RPAP3: variants seen among roughly 807,000 people sequenced by gnomAD.
RPAP3 encodes RNA polymerase II associated protein 3.
RPAP3 carries 58 observed loss-of-function variants against 88.8 expected under a neutral mutation model. The observed-to-expected ratio is 0.65, with a 90% CI of 0.53 to 0.81. The LOEUF is 0.81. Ranked by LOEUF, RPAP3 falls within the 40% of genes least tolerant of loss-of-function variation. The pLI, the probability that RPAP3 is intolerant of heterozygous loss-of-function variation, is 0.00. For missense variants in RPAP3, 751 were observed against 764.3 expected, an observed-to-expected ratio of 0.98 and a Z score of 0.20; for synonymous variants, 255 against 259.9, an observed-to-expected ratio of 0.98 and a Z score of 0.18.
chr12:47,673,305 T>A (rs911623820), intron 12 of RPAP3, among the ~76,000 whole-genome samples: 1 of 151,790 alleles, frequency 6.6e-6, no homozygotes, highest in Non-Finnish European at 1.5e-5. Flanking sequence ...TAGCCAGGCA[T>A]GATGGCAGGT....
chr12:47,697,523 G>A, intron 4 of RPAP3, 74 bp downstream of exon 4: 3 of 1,403,478 alleles, frequency 2.1e-6, no homozygotes, highest in Admixed American at 2.3e-5. Context: ...CTATGCTCAA[G>A]AAACTTTACG....
intron 3 of RPAP3, among the ~76,000 whole-genome samples, chr12:47,700,638 T>C (rs1042646074): frequency 1.3e-5 from 2 of 152,196 alleles, no homozygotes; most frequent in Non-Finnish European, 2.9e-5. Context: ...CAGTGGCTGC[T>C]TGAAACACTG....
intron 2 of RPAP3, among the ~76,000 whole-genome samples, chr12:47,702,472 T>G (rs951610284): frequency 1.3e-4 from 19 of 151,946 alleles, no homozygotes; most frequent in Admixed American, 1.1e-3. Flanking sequence ...GAGAACTGCT[T>G]GAACCCAGGA....
rs766505474 is a variant in RPAP3 at position 47,668,950 on chromosome 12, T to C, written c.1679A>G (p.Lys560Arg). 1.5e-5 allele frequency: 24 copies of C among 1,613,916 alleles called. No individual in the cohort carries two copies. Among genetic ancestry groups the C allele is most frequent in the Middle Eastern group, 3.3e-4 (2 of 6,082 alleles). ...CTGATACAACATATCTGGAGAACTT[T>C]TCAATTGTCTGAAATCAGATTCGAG... ...FQLESDFRQL[K>R]SSPDMLYQYL... The change falls in exon 14 of 17, where the codon AAA becomes AGA. Residue 560 changes from lysine to arginine, a missense_variant. Transcript: ENST00000005386.
At chr12:47,705,032 T>C (rs1358725047) in intron 1 of RPAP3, among the ~76,000 whole-genome samples, 1 of 151,996 alleles carries the variant, frequency 6.6e-6, no homozygotes, top group African/African-American at 2.4e-5. Flanking sequence ...AATGAGATTA[T>C]ATGGAGATTA....
chr12:47,686,720 A>G (rs1216275468), intron 9 of RPAP3, 60 bp downstream of exon 9: 5 of 1,317,468 alleles, frequency 3.8e-6, no homozygotes, highest in Non-Finnish European at 5.0e-6. Context: ...TATGGTAAAA[A>G]TTTACCAATT....
chr12:47,702,955 G>A lies in RPAP3; in HGVS notation c.-6-109C>T, dbSNP rs780061248. On this transcript the variant is annotated intron_variant, in intron 1 of 16. Coordinates refer to ENST00000005386, the MANE Select transcript of RPAP3 (RefSeq NM_024604.3). Reference sequence around the variant, plus strand: ...CACTTCATAAGTGGCCAAGATACATGGACAGAAGACAGCCAACTGATGCTG... The same window carrying A: ...CACTTCATAAGTGGCCAAGATACATAGACAGAAGACAGCCAACTGATGCTG... 400 of 661,998 alleles carry A rather than the reference G, an allele frequency of 6.0e-4. 1 individual carries two copies. Among genetic ancestry groups the A allele is most frequent in the Non-Finnish European group, 7.8e-4 (337 of 431,524 alleles). 41.0% of individuals were successfully genotyped at this position (661,998 alleles called of 1,614,324 possible).
intron 1 of RPAP3, among the ~76,000 whole-genome samples, chr12:47,703,638 T>C (rs960284712): frequency 1.3e-5 from 2 of 152,058 alleles, no homozygotes; most frequent in Non-Finnish European, 2.9e-5. Context: ...GTTGGAACTT[T>C]AGCTGGATTT....
chr12:47,686,214 T>G (rs1311277290), intron 9 of RPAP3, among the ~76,000 whole-genome samples: 12 of 152,200 alleles, frequency 7.9e-5, no homozygotes, highest in Admixed American at 7.9e-4. Context: ...ATTGTCCAAC[T>G]TGGGCACAAC....
Position 47,667,824 on chromosome 12 carries a change from A to G in RPAP3, c.1741T>C (p.Leu581=), listed in dbSNP as rs759140649. ...TCTGGATCCAGATTTTTCTGAAACA[A>G]CTTAGGATACAAAGATGGTTCAATT... ...KQIEPSLYPK[L]FQKNLDPDVF... The change falls in exon 15 of 17, where the codon TTG becomes CTG. Residue 581 remains leucine (L), a synonymous_variant. Coordinates refer to ENST00000005386, the MANE Select transcript of RPAP3 (RefSeq NM_024604.3). The G allele has an allele frequency of 2.8e-5, 45 of 1,606,798 alleles. No homozygotes were observed. The highest frequency in any genetic ancestry group is 3.7e-5 in the Non-Finnish European group (44 of 1,175,788).
intron 10 of RPAP3, among the ~76,000 whole-genome samples, chr12:47,680,715 T>C (rs1191065493): frequency 6.6e-6 from 1 of 151,478 alleles, no homozygotes; most frequent in Non-Finnish European, 1.5e-5. Flanking sequence ...ACTAATTCAA[T>C]GAATACCCTA....
intron 9 of RPAP3, among the ~76,000 whole-genome samples, chr12:47,683,306 G>C (rs939072530): frequency 6.6e-6 from 1 of 151,856 alleles, no homozygotes; most frequent in South Asian, 2.1e-4. Context: ...TGCAAATTTC[G>C]GGTTTCTTAA....
At chr12:47,700,832 GGCATTCTCTTTTA>G (rs1280074762) in intron 3 of RPAP3, among the ~76,000 whole-genome samples, 1 of 152,194 alleles carries the variant, frequency 6.6e-6, no homozygotes, top group Non-Finnish European at 1.5e-5. Flanking sequence ...TAGACACAAA[GGCATTCTCTTTTA>G]GCACATTTCT....
intron 5 of RPAP3, among the ~76,000 whole-genome samples, chr12:47,691,904 C>T (rs577561637): frequency 1.1e-4 from 17 of 152,080 alleles, no homozygotes; most frequent in African/African-American, 1.4e-4. Flanking sequence ...CGCCACCACG[C>T]CTGGCTAATT....
At chr12:47,680,168 A>G (rs1018378548) in intron 10 of RPAP3, among the ~76,000 whole-genome samples, 8 of 152,334 alleles carry the variant, frequency 5.3e-5, no homozygotes, top group South Asian at 2.1e-4. Flanking sequence ...ATGCTCCAAC[A>G]TGGACATTAT....
rs765991384 is a variant in RPAP3, at chr12:47,689,085, A to G, written c.738+40T>C. 3 of 862,526 alleles carry G rather than the reference A, an allele frequency of 3.5e-6. No homozygotes were observed. In the South Asian group the frequency reaches 4.6e-5, roughly 13 times the overall value. The allele number at this position is 862,526 out of a possible 1,614,324, so 53.4% of individuals were successfully genotyped here. A position where few individuals can be genotyped will look rare whatever the true frequency, so the allele number is the denominator to read the frequency against. ...TGCAAAAAGCTTTACTTCTTCAAAT[A>G]AAGGTCATAATACACTTAATTTAAA... On this transcript the variant is annotated intron_variant, in intron 7 of 16. Transcript: ENST00000005386.
chr12:47,687,957 T>C lies in RPAP3; in HGVS notation c.783A>G (p.Ile261Met). The change falls in exon 8 of 17, where the codon ATA becomes ATG. Residue 261 changes from isoleucine to methionine, a missense_variant. Physicochemically the swap from Ile to Met is conservative, Grantham distance 10 (BLOSUM62 1). Transcript: ENST00000005386. ...GCTCTCCTTCTGTTGACTTAATCAC[T>C]ATGTCAGCTTCCTTTGGATATGAGT... ...KENSYPKEAD[I>M]VIKSTEGERK... 6.2e-7 allele frequency: 1 copy of C among 1,613,566 alleles called. No homozygotes were observed. Among genetic ancestry groups the C allele is most frequent in the Non-Finnish European group, 8.5e-7 (1 of 1,179,688 alleles).
At chr12:47,696,847 C>T (rs980451029) in intron 4 of RPAP3, among the ~76,000 whole-genome samples, 3 of 152,160 alleles carry the variant, frequency 2.0e-5, no homozygotes, top group African/African-American at 7.2e-5. Context: ...TTCCGGTCAA[C>T]AGTAAGCTAT....
At chr12:47,676,314 C>T (rs1456388750) in intron 12 of RPAP3, among the ~76,000 whole-genome samples, 1 of 152,072 alleles carries the variant, frequency 6.6e-6, no homozygotes, top group Admixed American at 6.6e-5. Context: ...AAAATTGACA[C>T]CCTAACATCA....
Sources: gnomAD v4.1 joint callset for allele counts (sites outside exome capture counted in the v4.1 genomes callset) on GRCh38, gnomAD v4.1.1 for gene constraint, MANE v1.5 for transcripts, NCBI Gene and HGNC (gene_info 2026-07-23, HGNC 2026-07-21) for gene names.